CPAP: variants seen among roughly 807,000 people sequenced by gnomAD.
CPAP encodes the protein centrosome assembly and centriole elongation protein, also known as centrosomal P4.1-associated protein.
chr13:24,912,935 A>C, the CPAP span: 7 of 1,614,232 alleles, frequency 4.3e-6, no homozygotes, highest in East Asian at 4.5e-5. Flanking sequence ...CCACGATTTA[A>C]TATGACCCCA....
chr13:24,931,546 C>G, the CPAP span, among the ~76,000 whole-genome samples: 1 of 152,066 alleles, frequency 6.6e-6, no homozygotes, highest in African/African-American at 2.4e-5. Flanking sequence ...ACTGTATTCT[C>G]TACTCTATCC....
At chr13:24,899,484 C>T in the CPAP span, 1 of 1,613,798 alleles carries the variant, frequency 6.2e-7, no homozygotes, top group Non-Finnish European at 8.5e-7. Flanking sequence ...TTTTCAAAAA[C>T]TTTACGTTCC....
the CPAP span, among the ~76,000 whole-genome samples, chr13:24,922,452 G>A: frequency 2.0e-5 from 3 of 152,214 alleles, no homozygotes; most frequent in Admixed American, 1.3e-4. Context: ...CTGCTCCAGC[G>A]GACTGCGGCT....
chr13:24,926,554 A>C, the CPAP span, among the ~76,000 whole-genome samples: 2 of 152,150 alleles, frequency 1.3e-5, no homozygotes, highest in East Asian at 3.9e-4. Flanking sequence ...GAGCCTAAAA[A>C]GGAAAGGGAA....
the CPAP span, chr13:24,893,004 A>ACGAATGT: frequency 1.4e-6 from 1 of 712,400 alleles, no homozygotes; most frequent in Non-Finnish European, 2.4e-6. Context: ...GACATTTAAG[A>ACGAATGT]CGAATGTCGT....
At chr13:24,917,106 C>T in the CPAP span, among the ~76,000 whole-genome samples, 1 of 151,982 alleles carries the variant, frequency 6.6e-6, no homozygotes. Context: ...AAAAATTAGC[C>T]GGGGGTGGTG....
At chr13:24,929,196 T>C in the CPAP span, among the ~76,000 whole-genome samples, 37 of 152,314 alleles carry the variant, frequency 2.4e-4, no homozygotes, top group Non-Finnish European at 4.6e-4. Context: ...CCCAGGAAGC[T>C]GGGACCACAG....
At chr13:24,907,946 GA>G in the CPAP span, 1 of 1,113,158 alleles carries the variant, frequency 9.0e-7, no homozygotes, top group Non-Finnish European at 1.4e-6. Flanking sequence ...TTCAAACAAA[GA>G]AAGTGTTCAA....
At chr13:24,899,687 C>T in the CPAP span, 1 of 864,790 alleles carries the variant, frequency 1.2e-6, no homozygotes. Flanking sequence ...GTGAATTCAT[C>T]TTCAATCCAT....
chr13:24,901,901 G>A, the CPAP span, among the ~76,000 whole-genome samples: 1 of 152,162 alleles, frequency 6.6e-6, no homozygotes, highest in Admixed American at 6.5e-5. Context: ...CTGAGGTGGA[G>A]GATGGTTTGA....
At chr13:24,933,046 G>GTGAA in the CPAP span, 1 of 1,590,878 alleles carries the variant, frequency 6.3e-7, no homozygotes, top group Non-Finnish European at 8.6e-7. Context: ...CTGTTTGAAA[G>GTGAA]TGAAGTACTT....
the CPAP span, chr13:24,912,020 A>C: frequency 1.9e-6 from 3 of 1,614,024 alleles, no homozygotes; most frequent in Non-Finnish European, 2.5e-6. Context: ...TAGTTGCTCC[A>C]ACTGTTGCCT....
the CPAP span, among the ~76,000 whole-genome samples, chr13:24,916,317 A>G: frequency 6.6e-6 from 1 of 152,198 alleles, no homozygotes; most frequent in Non-Finnish European, 1.5e-5. Context: ...CAAAATATAT[A>G]TATAATCAAA....
At chr13:24,921,599 T>G in the CPAP span, among the ~76,000 whole-genome samples, 27 of 150,398 alleles carry the variant, frequency 1.8e-4, no homozygotes, top group African/African-American at 6.4e-4. Flanking sequence ...TGTTTTTCAG[T>G]AGGAAACCAA....
the CPAP span, among the ~76,000 whole-genome samples, chr13:24,921,981 T>C: frequency 6.6e-6 from 1 of 152,212 alleles, no homozygotes; most frequent in Non-Finnish European, 1.5e-5. Context: ...TGATAATATA[T>C]ATGCCGAGAT....
the CPAP span, among the ~76,000 whole-genome samples, chr13:24,924,079 C>A: frequency 1.4e-4 from 22 of 152,086 alleles, no homozygotes; most frequent in Non-Finnish European, 2.9e-5. Context: ...GTGATCCGCC[C>A]GCCTCGGCCT....
At chr13:24,909,654 T>C in the CPAP span, 27 of 808,484 alleles carry the variant, frequency 3.3e-5, no homozygotes, top group African/African-American at 1.2e-4. Context: ...GCCCAGGAGA[T>C]TGAGTCCAGC....
the CPAP span, among the ~76,000 whole-genome samples, chr13:24,917,786 A>G: frequency 6.6e-6 from 1 of 152,248 alleles, no homozygotes; most frequent in African/African-American, 2.4e-5. Context: ...GAGCTGGGAA[A>G]AACAAGAGCA....
At chr13:24,909,400 T>A in the CPAP span, among the ~76,000 whole-genome samples, 145 of 152,066 alleles carry the variant, frequency 9.5e-4, no homozygotes, top group African/African-American at 3.3e-3. Context: ...TGGTGGCACA[T>A]ACCTGTAATC....
Sources: gnomAD v4.1 joint callset for allele counts (sites outside exome capture counted in the v4.1 genomes callset) on GRCh38, gnomAD v4.1.1 for gene constraint, MANE v1.5 for transcripts, NCBI Gene and HGNC (gene_info 2026-07-23, HGNC 2026-07-21) for gene names.